The following CFAP251 variants were observed in gnomAD, a reference collection of about 807,000 sequenced individuals.
The protein encoded by CFAP251 is cilia and flagella associated protein 251.
CFAP251 carries 93 observed loss-of-function variants against 126.7 expected under a neutral mutation model. The observed-to-expected ratio is 0.73, with a 90% CI of 0.62 to 0.87. The LOEUF (loss-of-function observed/expected upper bound fraction) is 0.87. CFAP251 is among the 40% of genes least tolerant of loss of function. The pLI is 0.00. For synonymous variants in CFAP251, 503 were observed against 506.9 expected (o/e 0.99, Z 0.10); for missense variants, 1,287 against 1,389.2 (o/e 0.93, Z 1.17).
Position 121,921,656 on chromosome 12 carries a change from CCAGT to C in CFAP251, c.354_357del (p.Ile120HisfsTer29). Reference sequence around the variant, plus strand: ...GTTTGGAGACACAGATTACTGATTCCCAGTCAATCACATCAGGAATTTTCCCAGT... The same window carrying C: ...GTTTGGAGACACAGATTACTGATTCCCAATCACATCAGGAATTTTCCCAGT... On this transcript the variant is annotated frameshift_variant, in exon 2 of 22. Coordinates refer to ENST00000288912, the MANE Select transcript of CFAP251 (RefSeq NM_144668.6). LOFTEE classifies it high-confidence loss of function. 1 of 1,607,950 alleles carries C rather than the reference CCAGT, an allele frequency of 6.2e-7. No individual in the cohort carries two copies. The highest frequency in any genetic ancestry group is 8.5e-7 in the Non-Finnish European group (1 of 1,178,072).
At chr12:122,000,032 C>G (rs1392177902) in intron 20 of CFAP251, 88 bp downstream of exon 20, 5 of 1,212,982 alleles carry the variant, frequency 4.1e-6, no homozygotes, top group Non-Finnish European at 5.8e-6. Context: ...CCCTGTGGAG[C>G]TCCATCTTTC....
intron 5 of CFAP251, among the ~76,000 whole-genome samples, chr12:121,935,606 C>A (rs1243454306): frequency 6.6e-6 from 1 of 152,202 alleles, no homozygotes. Context: ...CCATCTATTG[C>A]ACTGTGTCTG....
intron 21 of CFAP251, among the ~76,000 whole-genome samples, chr12:122,002,284 G>A (rs1883168038): frequency 6.6e-6 from 1 of 151,420 alleles, no homozygotes; most frequent in Admixed American, 6.6e-5. Context: ...GAATCCAGGA[G>A]GTGGAGGTTG....
intron 15 of CFAP251, among the ~76,000 whole-genome samples, chr12:121,963,381 T>G (rs547399867): frequency 6.6e-6 from 1 of 151,928 alleles, no homozygotes; most frequent in African/African-American, 2.4e-5. Context: ...CAAGGCAAGC[T>G]TGAGATGCCT....
chr12:121,970,448 A>G (rs1238993153), intron 17 of CFAP251, among the ~76,000 whole-genome samples: 1 of 152,070 alleles, frequency 6.6e-6, no homozygotes, highest in East Asian at 1.9e-4. Flanking sequence ...TCGGAGCCTC[A>G]GTTCCTCCAA....
At position 122,000,122 on chromosome 12, in the gene CFAP251, T is replaced by G. The variant is rs561600880; in HGVS notation, c.3235+178T>G. Among the ~76,000 whole-genome samples the G allele has an allele frequency of 4.6e-5, 7 of 152,286 alleles. No individual in the cohort carries two copies. The East Asian group carries it at 9.6e-4, about 21-fold the overall frequency. ...TGCATCCCTGGCAAGTACGAAGTAA[T>G]GGGAGGGACCCGGAGCTAGAAAGCA... On this transcript the variant is annotated intron_variant, in intron 20 of 21. Coordinates refer to ENST00000288912, the MANE Select transcript of CFAP251 (RefSeq NM_144668.6).
At chr12:121,950,053 G>A (rs1464417604) in intron 8 of CFAP251, 3 of 152,232 alleles carry the variant, frequency 2.0e-5, no homozygotes, top group Non-Finnish European at 2.9e-5. Context: ...AGCACTATTT[G>A]TAATAACCAA....
chr12:121,955,947 G>A (rs1881713599), intron 10 of CFAP251: 1 of 152,304 alleles, frequency 6.6e-6, no homozygotes, highest in African/African-American at 2.4e-5. Context: ...GTCCAGCAGA[G>A]GGCAGGGACA....
rs1240357398 is a variant in CFAP251 at position 121,921,276 on chromosome 12, A to C, written c.-20-10A>C. On this transcript the variant is annotated splice_polypyrimidine_tract_variant and intron_variant, in intron 1 of 21. Coordinates refer to ENST00000288912, the MANE Select transcript of CFAP251 (RefSeq NM_144668.6). ...GGGCCAGCTGGTTATTATGGTCAAA[A>C]TCTCTCTAGAGGAAACTCTACAGAG... 10 of 1,540,144 alleles carry C rather than the reference A, an allele frequency of 6.5e-6. No individual in the cohort carries two copies. Among genetic ancestry groups the C allele is most frequent in the Admixed American group, 2.2e-5 (1 of 45,520 alleles).
At chr12:121,940,630 T>C (rs1565906650) in intron 5 of CFAP251, among the ~76,000 whole-genome samples, 1 of 152,136 alleles carries the variant, frequency 6.6e-6, no homozygotes, top group Non-Finnish European at 1.5e-5. Context: ...TCAGCAGACC[T>C]CCCCCAACCC....
chr12:121,967,743 T>C (rs552569728), intron 16 of CFAP251, among the ~76,000 whole-genome samples: 198 of 152,328 alleles, frequency 1.3e-3, no homozygotes, highest in African/African-American at 4.5e-3. Context: ...AGATGTATTC[T>C]GGAAAACCCT....
At position 121,991,095 on chromosome 12, in the gene CFAP251, G is replaced by A. The variant is rs550763655; in HGVS notation, c.3007-8621G>A. Among the ~76,000 whole-genome samples the A allele has an allele frequency of 2.6e-5, 4 of 152,310 alleles. No individual in the cohort carries two copies. The South Asian group carries it at 8.3e-4, about 32-fold the overall frequency. ...CTAGGGCACTAAATGATTATTCTAA[G>A]CTTCTTGTGAGTTTCAAGAGAATTC... On this transcript the variant is annotated intron_variant, in intron 19 of 21. Transcript: ENST00000288912.
Position 122,003,710 on chromosome 12 carries a change from G to T in CFAP251, c.3396G>T (p.Ala1132=). 1 of 1,609,700 alleles carries T rather than the reference G, an allele frequency of 6.2e-7. No individual in the cohort carries two copies. The highest frequency in any genetic ancestry group is 1.1e-5 in the South Asian group (1 of 89,750). The part of the protein sequence containing the change: ...LPDEITAEIF[A]TEILGLTISE... ...ACGAAATCACTGCAGAAATATTCGC[G>T]ACTGAAATTCTTGGCTTAACCATTT... Residue 1132 remains alanine, a synonymous_variant, in exon 22 of 22, where the codon GCG becomes GCT. Transcript: ENST00000288912.
chr12:121,921,790 TCC>T, intron 2 of CFAP251, 107 bp downstream of exon 2: 1 of 1,027,560 alleles, frequency 9.7e-7, no homozygotes, highest in Non-Finnish European at 1.3e-6. Flanking sequence ...TACAATCCAT[TCC>T]TTTTTTTTTT....
chr12:121,971,040 G>A (rs1337023261), intron 17 of CFAP251, among the ~76,000 whole-genome samples: 1 of 152,234 alleles, frequency 6.6e-6, no homozygotes, highest in Non-Finnish European at 1.5e-5. Flanking sequence ...GCTGTTCTCA[G>A]AGGACCAGGT....
At chr12:121,986,291 C>G (rs745513059) in intron 19 of CFAP251, among the ~76,000 whole-genome samples, 21 of 150,516 alleles carry the variant, frequency 1.4e-4, no homozygotes, top group Non-Finnish European at 3.0e-4. Flanking sequence ...CATGGCTGGC[C>G]ACGAATTTTT....
chr12:121,941,039 AT>A (rs1458301187), intron 5 of CFAP251, among the ~76,000 whole-genome samples: 6 of 150,368 alleles, frequency 4.0e-5, no homozygotes, highest in Admixed American at 2.0e-4. Flanking sequence ...TTATGTCTTT[AT>A]TTTTTTTTGA....
At chr12:121,992,020 T>C (rs1882886989) in intron 19 of CFAP251, among the ~76,000 whole-genome samples, 1 of 151,482 alleles carries the variant, frequency 6.6e-6, no homozygotes, top group African/African-American at 2.4e-5. Flanking sequence ...TCTCAGGGAA[T>C]AGGATCTGGG....
intron 7 of CFAP251, among the ~76,000 whole-genome samples, chr12:121,944,260 G>A (rs1278251199): frequency 1.3e-5 from 2 of 152,168 alleles, no homozygotes; most frequent in East Asian, 1.9e-4. Context: ...GACTCAGCCA[G>A]GGAAATATGG....
Sources: allele counts gnomAD v4.1 joint callset (sites outside exome capture counted in the v4.1 genomes callset), GRCh38; gene constraint gnomAD v4.1.1; transcripts MANE v1.5; gene names NCBI Gene and HGNC (gene_info 2026-07-23, HGNC 2026-07-21).